PRR5L: variants seen among roughly 807,000 people sequenced by gnomAD.
PRR5L encodes the protein proline rich 5 like.
PRR5L carries 21 observed loss-of-function variants against 36.4 expected under a neutral mutation model. That is an observed-to-expected ratio of 0.58 (90% confidence interval 0.41 to 0.83). The LOEUF is 0.83. PRR5L is among the 40% of genes least tolerant of loss of function. The pLI, the probability that PRR5L is intolerant of heterozygous loss-of-function variation, is 0.00. For missense variants in PRR5L, 381 were observed against 473.3 expected (o/e 0.80, Z 1.81); for synonymous variants, 188 against 197.0 (o/e 0.95, Z 0.38).
chr11:36,413,492 C>A (rs1166615685), intron 3 of PRR5L, among the ~76,000 whole-genome samples: 3 of 152,122 alleles, frequency 2.0e-5, no homozygotes, highest in Non-Finnish European at 4.4e-5. Context: ...TGACATGGTT[C>A]AAAAATTTTA....
At chr11:36,299,875 A>AAAC (rs199578894) in intron 1 of PRR5L, among the ~76,000 whole-genome samples, 22 of 152,200 alleles carry the variant, frequency 1.4e-4, no homozygotes, top group South Asian at 4.1e-4. Flanking sequence ...CTATAAAGGT[A>AAAC]AACAACAACA....
At chr11:36,336,064 C>G (rs1381771443) in intron 1 of PRR5L, among the ~76,000 whole-genome samples, 2 of 152,112 alleles carry the variant, frequency 1.3e-5, no homozygotes, top group Admixed American at 6.6e-5. Context: ...CCTGGACAAC[C>G]CTTCTTCCCA....
chr11:36,326,088 T>C (rs1204508062), intron 1 of PRR5L, among the ~76,000 whole-genome samples: 3 of 152,182 alleles, frequency 2.0e-5, no homozygotes, highest in Non-Finnish European at 2.9e-5. Context: ...TTTTACTTTT[T>C]TATTATTTAA....
In PRR5L at chr11:36,317,210, G is replaced by A. The variant is rs143877497; in HGVS notation, c.-126+20772G>A. ...GCCTTTACAGGGCTTGTCTGCCTTA[G>A]TGAGGGCAACCAGCTGGAGAGGTAG... is the stretch of plus-strand genomic sequence containing the variant. On this transcript the variant is annotated intron_variant, in intron 1 of 8. Coordinates refer to ENST00000530639, the MANE Select transcript of PRR5L (RefSeq NM_001160167.2). Among the ~76,000 whole-genome samples the A allele has an allele frequency of 5.3e-5, 8 of 152,322 alleles. No individual in the cohort carries two copies. In the East Asian group the frequency reaches 1.5e-3, roughly 29 times the overall value.
intron 3 of PRR5L, among the ~76,000 whole-genome samples, chr11:36,417,405 G>A (rs990410913): frequency 1.8e-4 from 27 of 152,328 alleles, no homozygotes; most frequent in Non-Finnish European, 3.4e-4. Flanking sequence ...CTGTCTGAGA[G>A]ACATGTCTAG....
intron 4 of PRR5L, among the ~76,000 whole-genome samples, chr11:36,428,823 A>G (rs1858435341): frequency 6.6e-6 from 1 of 152,132 alleles, no homozygotes; most frequent in Non-Finnish European, 1.5e-5. Flanking sequence ...TGGATCTACT[A>G]AATATCATCA....
intron 3 of PRR5L, 114 bp from the exon 4 acceptor site, chr11:36,419,141 T>C (rs1274039761): frequency 6.9e-6 from 6 of 863,820 alleles, no homozygotes; most frequent in Admixed American, 1.7e-5. Context: ...CCTAAGAAAG[T>C]GCCCTCAAGA....
In PRR5L at chr11:36,448,451, A is replaced by G. The variant is rs1335729380; in HGVS notation, c.585+2011A>G. The stretch of plus-strand genomic sequence containing the variant: ...CTTGGCTTCTCCTGGCTGCCGTGGG[A>G]TCTTTGTGATCACCATTCCTCCTGC... On this transcript the variant is annotated intron_variant, in intron 7 of 8. Transcript: ENST00000530639. Among the ~76,000 whole-genome samples the G allele has an allele frequency of 2.0e-5, 3 of 151,996 alleles. No individual in the cohort carries two copies. In the East Asian group the frequency reaches 5.8e-4, roughly 29 times the overall value.
intron 1 of PRR5L, among the ~76,000 whole-genome samples, chr11:36,345,347 C>T (rs1011824720): frequency 2.0e-5 from 3 of 152,128 alleles, no homozygotes; most frequent in Non-Finnish European, 2.9e-5. Context: ...TGACAAGGGG[C>T]GGGTAACCTG....
At chr11:36,374,087 T>TTCCTTCCG (rs1554989583) in intron 1 of PRR5L, among the ~76,000 whole-genome samples, 1 of 117,560 alleles carries the variant, frequency 8.5e-6, no homozygotes. Context: ...CCTTCCTTCC[T>TTCCTTCCG]TCCTTCCTTC....
At chr11:36,355,323 T>C (rs1187096875) in intron 1 of PRR5L, among the ~76,000 whole-genome samples, 1 of 152,212 alleles carries the variant, frequency 6.6e-6, no homozygotes, top group Non-Finnish European at 1.5e-5. Context: ...TTTACAAATA[T>C]AGCATCAACA....
chr11:36,401,381 G>A (rs1428798648), intron 2 of PRR5L, 96 bp downstream of exon 2: 5 of 1,241,808 alleles, frequency 4.0e-6, no homozygotes, highest in Admixed American at 4.8e-5. Flanking sequence ...CTGATTCTGG[G>A]AAGGCCGTGA....
chr11:36,303,506 A>G (rs1408997525), intron 1 of PRR5L, among the ~76,000 whole-genome samples: 1 of 152,204 alleles, frequency 6.6e-6, no homozygotes, highest in Non-Finnish European at 1.5e-5. Flanking sequence ...GCTTCCACTA[A>G]TCCTCACTTT....
intron 4 of PRR5L, among the ~76,000 whole-genome samples, chr11:36,429,014 A>G (rs943724784): frequency 6.6e-6 from 1 of 152,194 alleles, no homozygotes; most frequent in African/African-American, 2.4e-5. Context: ...TCATTTCTCC[A>G]TAATATAGGA....
At chr11:36,435,761 G>A (rs1590588154) in intron 5 of PRR5L, among the ~76,000 whole-genome samples, 1 of 152,140 alleles carries the variant, frequency 6.6e-6, no homozygotes, top group Admixed American at 6.5e-5. Context: ...ATTAAGTCCT[G>A]TTCTACACTG....
chr11:36,341,107 A>T (rs1856812939), intron 1 of PRR5L, among the ~76,000 whole-genome samples: 1 of 152,192 alleles, frequency 6.6e-6, no homozygotes. Flanking sequence ...GTGCTGGACT[A>T]AGTAAGCATA....
At chr11:36,455,121 G>C (rs1187818500) in intron 8 of PRR5L, among the ~76,000 whole-genome samples, 1 of 152,198 alleles carries the variant, frequency 6.6e-6, no homozygotes, top group Non-Finnish European at 1.5e-5. Flanking sequence ...GTCTGCCTGG[G>C]GGAGGGCCCT....
At chr11:36,328,904 G>A (rs1484044481) in intron 1 of PRR5L, among the ~76,000 whole-genome samples, 1 of 152,124 alleles carries the variant, frequency 6.6e-6, no homozygotes, top group Non-Finnish European at 1.5e-5. Context: ...TTATTTAATT[G>A]CCCCATATTC....
chr11:36,397,813 T>C (rs1244444197), intron 1 of PRR5L, among the ~76,000 whole-genome samples: 1 of 151,662 alleles, frequency 6.6e-6, no homozygotes, highest in Admixed American at 6.6e-5. Flanking sequence ...TGTTTTTTTT[T>C]GAGACGAGTT....
Sources: gnomAD v4.1 joint callset for allele counts (sites outside exome capture counted in the v4.1 genomes callset) on GRCh38, gnomAD v4.1.1 for gene constraint, MANE v1.5 for transcripts, NCBI Gene and HGNC (gene_info 2026-07-23, HGNC 2026-07-21) for gene names.